The following MARK3 variants were observed in gnomAD, a reference collection of about 807,000 sequenced individuals.
The protein encoded by MARK3 is MAP/microtubule affinity-regulating kinase 3.
MARK3 carries 46 observed loss-of-function variants against 90.1 expected under a neutral mutation model. The observed-to-expected ratio is 0.51, with a 90% confidence interval of 0.40 to 0.65. MARK3 has a LOEUF of 0.65. MARK3 is among the 30% of genes least tolerant of loss of function. The probability of loss-of-function intolerance (pLI) is 0.00; values close to 1 mark genes in which losing one functional copy is unlikely to be tolerated. For missense variants in MARK3, 818 were observed against 947.2 expected (o/e 0.86, Z 1.79); for synonymous variants, 321 against 332.6 (o/e 0.97, Z 0.38).
intron 3 of MARK3, 38 bp downstream of exon 3, chr14:103,428,478 T>A: frequency 8.3e-7 from 1 of 1,208,898 alleles, no homozygotes. Flanking sequence ...TTTAAAAAAT[T>A]ATCGGTGCTA....
chr14:103,466,714 A>G (rs2093509980), intron 10 of MARK3, among the ~76,000 whole-genome samples: 1 of 152,216 alleles, frequency 6.6e-6, no homozygotes, highest in African/African-American at 2.4e-5. Flanking sequence ...CTACAAAAGA[A>G]TGATTTCTGG....
chr14:103,481,757 C>CTTTTTTTTTTTTTTTTTT lies in MARK3; in HGVS notation c.1586+1277_1586+1294dup, dbSNP rs71126030. ...CAGATAATGATTGATATAGGTATTT[C>CTTTTTTTTTTTTTTTTTT]TTTTTTTTTTTTTTTTTTTTTTTTT... is the stretch of plus-strand genomic sequence containing the variant. On this transcript the variant is annotated intron_variant, in intron 14 of 17. Coordinates refer to ENST00000429436, the MANE Select transcript of MARK3 (RefSeq NM_001128918.3). 3.8e-4 allele frequency among the ~76,000 whole-genome samples: 19 copies of CTTTTTTTTTTTTTTTTTT among 49,802 alleles called. 3 individuals carry two copies. Among genetic ancestry groups the CTTTTTTTTTTTTTTTTTT allele is most frequent in the East Asian group, 7.5e-4 (1 of 1,336 alleles). The allele number at this position is 49,802 out of a possible 152,430, so 32.7% of individuals were successfully genotyped here.
Position 103,481,315 on chromosome 14 carries a change from T to A in MARK3, c.1586+825T>A, listed in dbSNP as rs532920658. The stretch of plus-strand genomic sequence containing the variant: ...TTTTTGGAAGAGCAGTAAGTGTACA[T>A]CATTCTTTTAACTTGAACATTGTTT... On this transcript the variant is annotated intron_variant, in intron 14 of 17. Transcript: ENST00000429436. Among the ~76,000 whole-genome samples, 9 of 152,360 alleles carry A rather than the reference T, an allele frequency of 5.9e-5. No homozygotes were observed. The South Asian group carries it at 1.9e-3, about 32-fold the overall frequency.
intron 3 of MARK3, chr14:103,429,215 G>T (rs572220388): frequency 1.7e-4 from 26 of 152,260 alleles, no homozygotes; most frequent in Admixed American, 1.3e-3. Flanking sequence ...GTAGTTGAGG[G>T]GGGTACAGAG....
intron 6 of MARK3, among the ~76,000 whole-genome samples, chr14:103,460,797 C>T (rs1262527165): frequency 6.6e-6 from 1 of 152,182 alleles, no homozygotes; most frequent in African/African-American, 2.4e-5. Context: ...GGTGACAAAG[C>T]TATGACTTTG....
chr14:103,402,029 A>C (rs1440872293), intron 1 of MARK3, among the ~76,000 whole-genome samples: 1 of 152,220 alleles, frequency 6.6e-6, no homozygotes, highest in African/African-American at 2.4e-5. Flanking sequence ...GAGAGGAAGA[A>C]GAGATGAGCG....
intron 15 of MARK3, among the ~76,000 whole-genome samples, chr14:103,497,183 G>A (rs752291506): frequency 1.3e-5 from 2 of 152,200 alleles, no homozygotes; most frequent in African/African-American, 2.4e-5. Flanking sequence ...TCACATGCAT[G>A]ATTGTACTGT....
intron 15 of MARK3, among the ~76,000 whole-genome samples, chr14:103,495,694 A>AC (rs1304502503): frequency 6.6e-6 from 1 of 152,090 alleles, no homozygotes; most frequent in Non-Finnish European, 1.5e-5. Context: ...CTATTTCCAC[A>AC]CCCCCAGATT....
At chr14:103,498,966 C>G (rs2075499887) in intron 16 of MARK3, 1 of 152,400 alleles carries the variant, frequency 6.6e-6, no homozygotes, top group Admixed American at 6.5e-5. Flanking sequence ...TTTAAAATGA[C>G]AGGAAAATTA....
rs1281016650 is a variant in MARK3, at chr14:103,428,406, A to G, written c.263A>G (p.Asp88Gly). 2 of 1,493,004 alleles carry G rather than the reference A, an allele frequency of 1.3e-6. No homozygotes were observed. Among genetic ancestry groups the G allele is most frequent in the Non-Finnish European group, 1.8e-6 (2 of 1,101,174 alleles). 92.5% of individuals were successfully genotyped at this position (1,493,004 alleles called of 1,614,324 possible). The change falls in exon 3 of 18, where the codon GAC becomes GGC. Residue 88 changes from aspartate (D) to glycine (G), a missense_variant. Physicochemically the swap from Asp to Gly is moderately conservative, Grantham distance 94 (BLOSUM62 -1). Coordinates refer to ENST00000429436, the MANE Select transcript of MARK3 (RefSeq NM_001128918.3). ...TGREVAIKII[D>G]KTQLNPTSLQ... ...TTCTAGGTTGCAATAAAAATAATTG[A>G]CAAAACTCAGTTGAATCCAACAAGT...
rs538814378 is a variant in MARK3, at chr14:103,470,725, C to T, written c.1264+2539C>T. Among the ~76,000 whole-genome samples, 25 of 151,804 alleles carry T rather than the reference C, an allele frequency of 1.6e-4. No homozygotes were observed. The South Asian group carries it at 5.0e-3, about 30-fold the overall frequency. ...ATCCACCTCAGCCTCCCAAAGTGCTCGGATTACAGGCATGAGTCACTGCGC... is the reference window on the plus strand; with the variant it reads ...ATCCACCTCAGCCTCCCAAAGTGCTTGGATTACAGGCATGAGTCACTGCGC... On this transcript the variant is annotated intron_variant, in intron 12 of 17. Coordinates refer to ENST00000429436, the MANE Select transcript of MARK3 (RefSeq NM_001128918.3).
At chr14:103,502,016 C>T (rs2075694688) in intron 17 of MARK3, among the ~76,000 whole-genome samples, 1 of 152,198 alleles carries the variant, frequency 6.6e-6, no homozygotes, top group Non-Finnish European at 1.5e-5. Flanking sequence ...TAGGCACTCA[C>T]TGTCTTAATT....
intron 2 of MARK3, among the ~76,000 whole-genome samples, chr14:103,414,204 T>C (rs889821334): frequency 1.0e-4 from 13 of 130,002 alleles, no homozygotes; most frequent in Non-Finnish European, 1.9e-4. Context: ...TTTCTTTTCT[T>C]TCTTTTTTTT....
intron 2 of MARK3, among the ~76,000 whole-genome samples, chr14:103,408,097 G>C (rs1200518054): frequency 1.3e-5 from 2 of 152,104 alleles, no homozygotes; most frequent in Non-Finnish European, 2.9e-5. Context: ...CCAGTCTGTA[G>C]GGGAAGATGA....
At chr14:103,415,032 G>A (rs1411318806) in intron 2 of MARK3, among the ~76,000 whole-genome samples, 1 of 151,044 alleles carries the variant, frequency 6.6e-6, no homozygotes, top group Admixed American at 6.6e-5. Context: ...TGCGCCTGTA[G>A]TCCCAGCTAC....
chr14:103,446,041 A>G (rs1191541952), intron 3 of MARK3, among the ~76,000 whole-genome samples: 1 of 152,216 alleles, frequency 6.6e-6, no homozygotes. Flanking sequence ...GGAGACAGGC[A>G]TGCTCCCTGT....
At chr14:103,459,930 G>A (rs1341160380) in intron 6 of MARK3, among the ~76,000 whole-genome samples, 1 of 151,736 alleles carries the variant, frequency 6.6e-6, no homozygotes, top group Non-Finnish European at 1.5e-5. Context: ...CACTGTGTGT[G>A]ATCCCTTTTC....
chr14:103,410,929 T>C (rs761018285), intron 2 of MARK3, among the ~76,000 whole-genome samples: 21 of 152,208 alleles, frequency 1.4e-4, no homozygotes, highest in Non-Finnish European at 2.8e-4. Flanking sequence ...ATCTTTTTCT[T>C]TATTACATTT....
intron 2 of MARK3, among the ~76,000 whole-genome samples, chr14:103,417,923 G>C (rs999778473): frequency 1.3e-5 from 2 of 152,144 alleles, no homozygotes; most frequent in Admixed American, 1.3e-4. Flanking sequence ...AAAAAAATTA[G>C]CTGGGCGTGG....
Sources: allele counts gnomAD v4.1 joint callset (sites outside exome capture counted in the v4.1 genomes callset), GRCh38; gene constraint gnomAD v4.1.1; transcripts MANE v1.5; gene names NCBI Gene and HGNC (gene_info 2026-07-23, HGNC 2026-07-21).